PLPPR1: variants seen among roughly 807,000 people sequenced by gnomAD.
PLPPR1 encodes phospholipid phosphatase related 1, also known as phospholipid phosphatase-related protein type 1.
In PLPPR1, 10 loss-of-function variants were observed where a neutral mutation model predicts 33.1. That is an observed-to-expected ratio of 0.30 (90% CI 0.19 to 0.51). PLPPR1 has a LOEUF of 0.51. Ranked by LOEUF, PLPPR1 falls within the 20% of genes least tolerant of loss-of-function variation. The pLI is 0.97. For synonymous variants in PLPPR1, 151 were observed against 151.0 expected (o/e 1.00, Z 0.00); for missense variants, 304 against 408.1 (o/e 0.74, Z 2.20).
chr9:101,172,355 A>G (rs921050723), intron 1 of PLPPR1, among the ~76,000 whole-genome samples: 4 of 111,660 alleles, frequency 3.6e-5, no homozygotes, highest in South Asian at 5.4e-4. Flanking sequence ...CTAAAGGGGA[A>G]AAAAAAAAAC....
intron 2 of PLPPR1, among the ~76,000 whole-genome samples, chr9:101,192,152 C>T (rs1826306716): frequency 6.6e-6 from 1 of 152,138 alleles, no homozygotes; most frequent in African/African-American, 2.4e-5. Flanking sequence ...TTGTGTGTCT[C>T]AGGTTTTGAA....
intron 5 of PLPPR1, among the ~76,000 whole-genome samples, chr9:101,309,931 A>G (rs1828926519): frequency 6.6e-6 from 1 of 152,222 alleles, no homozygotes; most frequent in Admixed American, 6.5e-5. Flanking sequence ...ATGCAGACCC[A>G]GGATACACAG....
At chr9:101,072,869 GC>G (rs1335009139) in intron 1 of PLPPR1, among the ~76,000 whole-genome samples, 1 of 152,134 alleles carries the variant, frequency 6.6e-6, no homozygotes, top group African/African-American at 2.4e-5. Context: ...CCATATGAAA[GC>G]TTTTTATTCT....
intron 1 of PLPPR1, among the ~76,000 whole-genome samples, chr9:101,088,261 A>G (rs1417942750): frequency 6.6e-6 from 1 of 152,182 alleles, no homozygotes; most frequent in African/African-American, 2.4e-5. Context: ...AGAGTACAGA[A>G]AATCTACTCT....
intron 1 of PLPPR1, among the ~76,000 whole-genome samples, chr9:101,145,348 A>T (rs1339614441): frequency 6.6e-6 from 1 of 152,208 alleles, no homozygotes; most frequent in Non-Finnish European, 1.5e-5. Context: ...CATAATGTAT[A>T]CAAATTTTAA....
chr9:101,297,546 A>AT (rs749136140), intron 4 of PLPPR1, among the ~76,000 whole-genome samples: 6 of 152,078 alleles, frequency 3.9e-5, no homozygotes, highest in African/African-American at 7.2e-5. Context: ...CCAACAATAC[A>AT]TTTTTCCCCC....
chr9:101,175,913 G>A (rs940898714), intron 1 of PLPPR1, among the ~76,000 whole-genome samples: 2 of 152,136 alleles, frequency 1.3e-5, no homozygotes, highest in African/African-American at 4.8e-5. Flanking sequence ...AAGCTTGGAT[G>A]CTTTATATAA....
chr9:101,182,280 G>T (rs777342621), intron 1 of PLPPR1, among the ~76,000 whole-genome samples: 2 of 151,506 alleles, frequency 1.3e-5, no homozygotes, highest in Non-Finnish European at 3.0e-5. Flanking sequence ...TGATCAAAGG[G>T]TGTAAAGTTT....
intron 2 of PLPPR1, among the ~76,000 whole-genome samples, chr9:101,267,032 G>C (rs1828011266): frequency 6.6e-6 from 1 of 152,146 alleles, no homozygotes; most frequent in South Asian, 2.1e-4. Flanking sequence ...GAAGCCAAGA[G>C]AGACAAAATT....
At chr9:101,297,988 A>C (rs1277124846) in intron 4 of PLPPR1, among the ~76,000 whole-genome samples, 1 of 151,972 alleles carries the variant, frequency 6.6e-6, no homozygotes, top group Non-Finnish European at 1.5e-5. Flanking sequence ...TACTTGAGTA[A>C]ATATTTTTGT....
intron 1 of PLPPR1, among the ~76,000 whole-genome samples, chr9:101,175,795 G>C (rs1826010541): frequency 6.6e-6 from 1 of 152,146 alleles, no homozygotes; most frequent in East Asian, 1.9e-4. Context: ...GAGAATCTTG[G>C]TGGCTGCCAT....
intron 1 of PLPPR1, among the ~76,000 whole-genome samples, chr9:101,144,123 G>T (rs1051767142): frequency 6.6e-6 from 1 of 152,134 alleles, no homozygotes; most frequent in African/African-American, 2.4e-5. Context: ...GTAGGGACAT[G>T]GATGAAGCTG....
At chr9:101,203,991 A>G (rs751298672) in intron 2 of PLPPR1, among the ~76,000 whole-genome samples, 4 of 152,156 alleles carry the variant, frequency 2.6e-5, no homozygotes, top group South Asian at 2.1e-4. Flanking sequence ...GTAAAGATAA[A>G]TATCAGTGGA....
chr9:101,128,938 G>T (rs1831281309), intron 1 of PLPPR1, among the ~76,000 whole-genome samples: 2 of 152,232 alleles, frequency 1.3e-5, no homozygotes, highest in South Asian at 4.1e-4. Context: ...ATTCTTAGAA[G>T]CTAAACCTGA....
intron 1 of PLPPR1, among the ~76,000 whole-genome samples, chr9:101,166,342 T>C (rs1201706887): frequency 6.6e-6 from 1 of 152,236 alleles, no homozygotes; most frequent in Non-Finnish European, 1.5e-5. Flanking sequence ...TACCGCATTA[T>C]AGGCTCTGGG....
chr9:101,276,450 T>C (rs1828197877), intron 3 of PLPPR1, among the ~76,000 whole-genome samples: 1 of 152,206 alleles, frequency 6.6e-6, no homozygotes. Context: ...AGATATGCTT[T>C]CCATCTTCAA....
chr9:101,102,922 T>G (rs12335952), intron 1 of PLPPR1, among the ~76,000 whole-genome samples: 10,485 of 46,994 alleles, frequency 0.22, 1,457 homozygotes, highest in East Asian at 0.64. Context: ...TTTCATGTGT[T>G]TTTTGGCTGC....
chr9:101,055,375 C>T (rs1043863873), intron 1 of PLPPR1, among the ~76,000 whole-genome samples: 1 of 152,128 alleles, frequency 6.6e-6, no homozygotes, highest in East Asian at 1.9e-4. Flanking sequence ...TTATTTCATT[C>T]AAGACAGAGC....
intron 1 of PLPPR1, among the ~76,000 whole-genome samples, chr9:101,082,836 TG>T (rs1487497758): frequency 6.6e-6 from 1 of 152,118 alleles, no homozygotes; most frequent in Non-Finnish European, 1.5e-5. Flanking sequence ...ACTTGTAAAA[TG>T]GGGATGATGT....
Sources: allele counts gnomAD v4.1 joint callset (sites outside exome capture counted in the v4.1 genomes callset), GRCh38; gene constraint gnomAD v4.1.1; transcripts MANE v1.5; gene names NCBI Gene and HGNC (gene_info 2026-07-23, HGNC 2026-07-21).